SULT2B1: variants seen among roughly 807,000 people sequenced by gnomAD.
The protein encoded by SULT2B1 is sulfotransferase 2B1.
SULT2B1 carries 16 observed loss-of-function variants against 33.2 expected under a neutral mutation model. The ratio of observed to expected loss-of-function variants is 0.48; its 90% CI spans 0.33 to 0.73. SULT2B1 has a LOEUF of 0.73. Among genes scored for constraint, SULT2B1 ranks in the 30% least tolerant of loss-of-function variants. The pLI is 0.02. For missense variants in SULT2B1, 500 were observed against 506.0 expected (o/e 0.99, Z 0.11); for synonymous variants, 186 against 200.5 (o/e 0.93, Z 0.61).
intron 1 of SULT2B1, among the ~76,000 whole-genome samples, chr19:48,568,967 A>G (rs1402048294): frequency 1.3e-5 from 2 of 152,174 alleles, no homozygotes; most frequent in Non-Finnish European, 2.9e-5. Flanking sequence ...TCAGATGTCG[A>G]GTTCCCAGAG....
intron 2 of SULT2B1, among the ~76,000 whole-genome samples, chr19:48,578,194 CAG>C (rs1411827531): frequency 6.6e-6 from 1 of 152,024 alleles, no homozygotes; most frequent in Non-Finnish European, 1.5e-5. Context: ...GCCTGGGCAA[CAG>C]AGTGAGACCC....
At chr19:48,565,917 AT>A (rs34520151) in intron 1 of SULT2B1, among the ~76,000 whole-genome samples, 186 of 143,636 alleles carry the variant, frequency 1.3e-3, no homozygotes, top group African/African-American at 2.4e-3. Context: ...ACACCAGGCT[AT>A]TTTTTTTTTT....
chr19:48,556,148 G>C (rs187667740), intron 1 of SULT2B1, among the ~76,000 whole-genome samples: 43 of 152,260 alleles, frequency 2.8e-4, no homozygotes, highest in Non-Finnish European at 1.2e-4. Context: ...TCCTTCCTTT[G>C]CCAAACTTCT....
At chr19:48,584,411 C>G (rs1043445798) in intron 2 of SULT2B1, among the ~76,000 whole-genome samples, 1 of 152,160 alleles carries the variant, frequency 6.6e-6, no homozygotes, top group Non-Finnish European at 1.5e-5. Flanking sequence ...AAGAGGAGCT[C>G]GTGAGAATCA....
chr19:48,565,914 G>T (rs1289109880), intron 1 of SULT2B1, among the ~76,000 whole-genome samples: 4 of 117,874 alleles, frequency 3.4e-5, no homozygotes, highest in Non-Finnish European at 5.2e-5. Context: ...ACCACACCAG[G>T]CTATTTTTTT....
At chr19:48,580,040 G>T (rs1320842083) in intron 2 of SULT2B1, among the ~76,000 whole-genome samples, 1 of 147,326 alleles carries the variant, frequency 6.8e-6, no homozygotes, top group Non-Finnish European at 1.5e-5. Flanking sequence ...CCTCCCACCT[G>T]AGCCTCCTGA....
intron 1 of SULT2B1, among the ~76,000 whole-genome samples, chr19:48,569,645 T>A (rs57055186): frequency 6.7e-6 from 1 of 150,118 alleles, no homozygotes; most frequent in Admixed American, 6.7e-5. Context: ...ATTACAGGCA[T>A]GAGCCACCAT....
At chr19:48,589,148 AG>A (rs1162949965) in intron 3 of SULT2B1, among the ~76,000 whole-genome samples, 1 of 152,106 alleles carries the variant, frequency 6.6e-6, no homozygotes, top group Non-Finnish European at 1.5e-5. Flanking sequence ...GGTCCAGGGG[AG>A]GGGACGGTGG....
chr19:48,572,374 A>G (rs10405920), intron 1 of SULT2B1, among the ~76,000 whole-genome samples: 98,750 of 151,846 alleles, frequency 0.65, 32,509 homozygotes, highest in African/African-American at 0.76. Context: ...TTAGCCAGGC[A>G]TGGTGGCATG....
chr19:48,596,706 C>G, intron 5 of SULT2B1, 33 bp from the exon 6 acceptor site: 1 of 1,556,866 alleles, frequency 6.4e-7, no homozygotes, highest in Non-Finnish European at 8.6e-7. Context: ...GCCGAGTGCC[C>G]TCCCTCCGCT....
Position 48,599,362 on chromosome 19 carries a change from A to C in SULT2B1, c.1054A>C (p.Ser352Arg), listed in dbSNP as rs1487375036. The C allele has an allele frequency of 1.3e-6, 2 of 1,567,364 alleles. No homozygotes were observed. The highest frequency in any genetic ancestry group is 1.7e-6 in the Non-Finnish European group (2 of 1,155,780). Residue 352 changes from serine to arginine, a missense_variant, in exon 7 of 7, where the codon AGC (serine) becomes CGC (arginine). Physicochemically the swap from Ser to Arg is moderately radical, Grantham distance 110. Transcript: ENST00000201586. The surrounding 1 kb of genome is among the most constrained non-coding windows in gnomAD (Gnocchi z 4.1). ...CAGACCCAACTCCAGCCCCAGCCCC[A>C]GCCCCGGCCAGGCCTCTGAGACCCC... ...EPRPNSSPSP[S>R]PGQASETPHP...
intron 1 of SULT2B1, among the ~76,000 whole-genome samples, chr19:48,559,478 C>G (rs1298920896): frequency 1.3e-5 from 2 of 152,186 alleles, no homozygotes; most frequent in African/African-American, 4.8e-5. Flanking sequence ...TCAAGCGATT[C>G]TCCTGCCTCA....
chr19:48,561,486 TA>T (rs1343731539), intron 1 of SULT2B1, among the ~76,000 whole-genome samples: 1 of 151,140 alleles, frequency 6.6e-6, no homozygotes, highest in East Asian at 1.9e-4. Flanking sequence ...ATAAAATAAA[TA>T]AATAATAAAG....
intron 1 of SULT2B1, among the ~76,000 whole-genome samples, chr19:48,560,406 C>CA (rs1376708499): frequency 3.3e-5 from 5 of 151,872 alleles, no homozygotes; most frequent in African/African-American, 1.2e-4. Flanking sequence ...TCATAACCCT[C>CA]ATGCCAGAGA....
chr19:48,576,353 A>ATTTTTTTTT (rs1973406323), intron 2 of SULT2B1, among the ~76,000 whole-genome samples: 1 of 21,380 alleles, frequency 4.7e-5, no homozygotes, highest in African/African-American at 1.8e-4. Context: ...TTTACCCTCT[A>ATTTTTTTTT]CTTCTCTTTT....
chr19:48,569,679 T>A (rs2147606133), intron 1 of SULT2B1, among the ~76,000 whole-genome samples: 1 of 151,360 alleles, frequency 6.6e-6, no homozygotes, highest in East Asian at 2.0e-4. Context: ...ATTGGTTTTT[T>A]GTTCTGAGAC....
chr19:48,585,453 A>C (rs955379193), intron 2 of SULT2B1, among the ~76,000 whole-genome samples: 2 of 152,044 alleles, frequency 1.3e-5, no homozygotes, highest in African/African-American at 4.8e-5. Context: ...GGATCACTGG[A>C]GGTCAAGAGT....
intron 1 of SULT2B1, among the ~76,000 whole-genome samples, chr19:48,574,334 C>T (rs542655627): frequency 4.6e-5 from 7 of 152,364 alleles, no homozygotes; most frequent in Admixed American, 6.5e-5. Context: ...CAAGTCCCAG[C>T]ACTGTGGGCT....
chr19:48,586,114 C>T (rs1016148129), intron 2 of SULT2B1, among the ~76,000 whole-genome samples: 3 of 150,584 alleles, frequency 2.0e-5, no homozygotes, highest in Non-Finnish European at 3.0e-5. Flanking sequence ...CTCAGCTACT[C>T]GGGAGGCTGA....
Sources: allele counts gnomAD v4.1 joint callset (sites outside exome capture counted in the v4.1 genomes callset), GRCh38; gene constraint gnomAD v4.1.1; non-coding constraint Gnocchi (gnomAD v3.1); transcripts MANE v1.5; gene names NCBI Gene and HGNC (gene_info 2026-07-23, HGNC 2026-07-21).